Variants in DMD observed in about 807,000 individuals in gnomAD.
DMD encodes mutant dystrophin.
In DMD, 63 loss-of-function variants were observed where a neutral mutation model predicts 330.1. The observed-to-expected ratio is 0.19, with a 90% CI of 0.16 to 0.24. The LOEUF (loss-of-function observed/expected upper bound fraction) is 0.24. DMD is among the 10% of genes least tolerant of loss of function. DMD has a pLI of 1.00. For synonymous variants in DMD, 1,223 were observed against 959.8 expected, an observed-to-expected ratio of 1.27 and a Z score of -5.07; for missense variants, 3,344 against 2,684.1, an observed-to-expected ratio of 1.25 and a Z score of -5.43.
Position 31,476,418 on chromosome X carries a change from T to TACACAC in DMD, c.8937+1687_8937+1688insGTGTGT, listed in dbSNP as rs1569545943. Among the ~76,000 whole-genome samples the TACACAC allele has an allele frequency of 3.1e-5, 3 of 96,534 alleles. No individual in the cohort carries two copies. The East Asian group carries it at 1.0e-3, about 32-fold the overall frequency. The allele number at this position is 96,534 out of a possible 115,157, so 83.8% of individuals were successfully genotyped here. On this transcript the variant is annotated intron_variant, in intron 59 of 78. Transcript: ENST00000357033. Reference sequence around the variant, plus strand: ...GTGTGTATATATATATATATATATATATACACACACACACACACATACTTT... The same window carrying TACACAC: ...GTGTGTATATATATATATATATATATACACACATACACACACACACACACATACTTT...
intron 43 of DMD, among the ~76,000 whole-genome samples, chrX:32,252,783 A>AAT (rs1215710708): frequency 1.6e-4 from 7 of 43,175 alleles, no homozygotes; most frequent in East Asian, 5.7e-4. Context: ...AATATATATA[A>AAT]ATATATATAA....
chrX:31,875,977 A>G (rs916254129), intron 47 of DMD, among the ~76,000 whole-genome samples: 1 of 112,716 alleles, frequency 8.9e-6, no homozygotes, highest in Non-Finnish European at 1.9e-5. Flanking sequence ...CTTCATGTAC[A>G]AGGAAAATTG....
rs759900113 is a variant in DMD, at chrX:32,806,643, T to C, written c.649+2850A>G. Reference sequence around the variant, plus strand: ...CACCCCAAATCAACAGAATATACATTCTTCTCAGCACCACATCATACTTAT... The same window carrying C: ...CACCCCAAATCAACAGAATATACATCCTTCTCAGCACCACATCATACTTAT... On this transcript the variant is annotated intron_variant, in intron 7 of 78. Transcript: ENST00000357033. Among the ~76,000 whole-genome samples, 4 of 111,795 alleles carry C rather than the reference T, an allele frequency of 3.6e-5. No individual in the cohort carries two copies. In the South Asian group the frequency reaches 1.5e-3, roughly 42 times the overall value.
intron 26 of DMD, among the ~76,000 whole-genome samples, chrX:32,452,113 A>C (rs1287677052): frequency 1.8e-5 from 2 of 108,447 alleles, no homozygotes; most frequent in Non-Finnish European, 3.8e-5. Flanking sequence ...GAAGAGGGCC[A>C]GAAGAGGCAC....
intron 37 of DMD, among the ~76,000 whole-genome samples, chrX:32,361,885 A>G (rs757909718): frequency 9.0e-6 from 1 of 111,526 alleles, no homozygotes; most frequent in African/African-American, 3.2e-5. Context: ...TATTGATTTT[A>G]TATACATTTT....
chrX:31,360,100 A>C (rs1372327240), intron 60 of DMD, among the ~76,000 whole-genome samples: 1 of 110,591 alleles, frequency 9.0e-6, no homozygotes, highest in Non-Finnish European at 1.9e-5. Context: ...GATATGAAGG[A>C]TAAACAGAAA....
At chrX:31,627,571 C>A in intron 55 of DMD, 102 bp downstream of exon 55, 1 of 889,585 alleles carries the variant, frequency 1.1e-6, no homozygotes, top group Middle Eastern at 3.9e-4. Context: ...TGTATAAAAG[C>A]AACTATTTTG....
intron 60 of DMD, among the ~76,000 whole-genome samples, chrX:31,349,161 G>T (rs1412781103): frequency 1.8e-5 from 2 of 112,353 alleles, no homozygotes; most frequent in African/African-American, 6.5e-5. Flanking sequence ...TTAATTATGG[G>T]CTGGGCACAG....
intron 1 of DMD, among the ~76,000 whole-genome samples, chrX:33,228,180 A>G (rs898774553): frequency 9.0e-6 from 1 of 110,704 alleles, no homozygotes; most frequent in Non-Finnish European, 1.9e-5. Context: ...AAAATATTGA[A>G]AATCTTATGG....
intron 7 of DMD, among the ~76,000 whole-genome samples, chrX:32,779,161 C>T (rs749323194): frequency 3.6e-5 from 4 of 110,324 alleles, no homozygotes; most frequent in Non-Finnish European, 5.7e-5. Context: ...TTCATCATTC[C>T]ACTGATAGGT....
chrX:32,602,263 G>A (rs947957080), intron 12 of DMD, among the ~76,000 whole-genome samples: 2 of 111,792 alleles, frequency 1.8e-5, no homozygotes, highest in African/African-American at 6.5e-5. Flanking sequence ...ATCACGAAAT[G>A]GTAGCCCTCA....
At chrX:32,784,205 T>C (rs1303662868) in intron 7 of DMD, among the ~76,000 whole-genome samples, 1 of 112,130 alleles carries the variant, frequency 8.9e-6, no homozygotes, top group African/African-American at 3.2e-5. Context: ...GTTACCTTTA[T>C]AGAGAAGCAG....
intron 4 of DMD, among the ~76,000 whole-genome samples, chrX:32,837,165 G>T (rs145393289): frequency 0.021 from 2,309 of 111,553 alleles, 69 homozygotes; most frequent in Admixed American, 0.12. Flanking sequence ...TCCTCATTTC[G>T]CACAGAAACA....
chrX:31,965,283 A>G (rs762052606), intron 45 of DMD, among the ~76,000 whole-genome samples: 1 of 111,652 alleles, frequency 9.0e-6, no homozygotes, highest in African/African-American at 3.3e-5. Context: ...GCTGGCTAGG[A>G]TCATTTTTTT....
chrX:32,174,509 T>C (rs1188987536), intron 44 of DMD, among the ~76,000 whole-genome samples: 1 of 112,083 alleles, frequency 8.9e-6, no homozygotes, highest in African/African-American at 3.2e-5. Context: ...TCTTCATTTC[T>C]CTATTGTCTA....
chrX:32,252,107 T>G (rs1338121462), intron 43 of DMD, among the ~76,000 whole-genome samples: 1 of 111,892 alleles, frequency 8.9e-6, no homozygotes, highest in Admixed American at 9.5e-5. Context: ...CTACAATGAC[T>G]TGTACAACGT....
At chrX:31,653,584 A>T (rs193245373) in intron 54 of DMD, among the ~76,000 whole-genome samples, 1 of 110,796 alleles carries the variant, frequency 9.0e-6, no homozygotes, top group Non-Finnish European at 1.9e-5. Context: ...GTTAATGCTT[A>T]TTTCTTGTTT....
intron 27 of DMD, among the ~76,000 whole-genome samples, chrX:32,441,827 CTCTA>C (rs1375562577): frequency 1.3e-4 from 14 of 111,302 alleles, no homozygotes; most frequent in African/African-American, 4.5e-4. Context: ...TTTAAAGTGG[CTCTA>C]TCTTAGTTTA....
chrX:32,076,416 G>A (rs2096351433), intron 44 of DMD, among the ~76,000 whole-genome samples: 2 of 97,642 alleles, frequency 2.0e-5, no homozygotes, highest in South Asian at 4.9e-4. Flanking sequence ...GTCTCGCTCT[G>A]TCACCCAGGC....
Sources: allele counts gnomAD v4.1 joint callset (sites outside exome capture counted in the v4.1 genomes callset), GRCh38; gene constraint gnomAD v4.1.1; transcripts MANE v1.5; gene names NCBI Gene and HGNC (gene_info 2026-07-23, HGNC 2026-07-21).